Variants in SLCO1A2 observed in about 807,000 individuals in gnomAD.
SLCO1A2 encodes the protein solute carrier organic anion transporter family member 1A2.
A neutral mutation model predicts 69.0 loss-of-function variants in SLCO1A2; 67 were observed. The ratio of observed to expected loss-of-function variants is 0.97; its 90% confidence interval spans 0.80 to 1.19. The LOEUF is 1.19. SLCO1A2 is among the 50% of genes most tolerant of loss of function. The probability of loss-of-function intolerance (pLI) is 0.00; values close to 1 mark genes in which losing one functional copy is unlikely to be tolerated. For missense variants in SLCO1A2, 787 were observed against 793.7 expected, an observed-to-expected ratio of 0.99 and a Z score of 0.10; for synonymous variants, 260 against 265.9, an observed-to-expected ratio of 0.98 and a Z score of 0.22.
At chr12:21,406,151 A>G (rs1941820642) in intron 1 of SLCO1A2, among the ~76,000 whole-genome samples, 1 of 152,198 alleles carries the variant, frequency 6.6e-6, no homozygotes, top group Admixed American at 6.5e-5. Flanking sequence ...GAGTAGATAT[A>G]TTTAAAATGT....
chr12:21,417,778 G>C (rs988277574), intron 1 of SLCO1A2: 2 of 151,978 alleles, frequency 1.3e-5, no homozygotes, highest in African/African-American at 2.4e-5. Flanking sequence ...TTGGGAGAAT[G>C]GTCAAAACAC....
In SLCO1A2 at chr12:21,413,237, C is replaced by CTTTTTTTTTTTTTTTTTTTTTTTT. The variant is rs3983534; in HGVS notation, c.-312+4644_-312+4645insAAAAAAAAAAAAAAAAAAAAAAAA. Among the ~76,000 whole-genome samples, 75 of 99,422 alleles carry CTTTTTTTTTTTTTTTTTTTTTTTT rather than the reference C, an allele frequency of 7.5e-4. 1 individual carries two copies. Among genetic ancestry groups the CTTTTTTTTTTTTTTTTTTTTTTTT allele is most frequent in the East Asian group, 1.3e-3 (4 of 3,122 alleles). The allele number at this position is 99,422 out of a possible 152,430, so 65.2% of individuals were successfully genotyped here. A position where few individuals can be genotyped will look rare whatever the true frequency, so the allele number is the denominator to read the frequency against. On this transcript the variant is annotated intron_variant, in intron 1 of 4. Coordinates refer to the SLCO1A2 transcript ENST00000413682. ...ACTTTCTTCTTTTCTTTTTCTTTTTCTTTTTTTTTTTTTTTTTTTGAGAAG... is the reference window on the plus strand; with the variant it reads ...ACTTTCTTCTTTTCTTTTTCTTTTTCTTTTTTTTTTTTTTTTTTTTTTTTTTTTTTTTTTTTTTTTTTTGAGAAG...
chr12:21,338,735 T>C (rs532697555), upstream of SLCO1A2, among the ~76,000 whole-genome samples: 1 of 152,098 alleles, frequency 6.6e-6, no homozygotes, highest in African/African-American at 2.4e-5. Flanking sequence ...TACAAACATA[T>C]GTATTTCCAT....
rs1307468665 is a variant in SLCO1A2 at position 21,306,888 on chromosome 12, G to A, written c.436C>T (p.Pro146Ser). The A allele has an allele frequency of 4.3e-6, 7 of 1,611,636 alleles. No individual in the cohort carries two copies. In the East Asian group the frequency reaches 1.6e-4, roughly 36 times the overall value. The stretch of plus-strand genomic sequence containing the variant: ...ATACAATGAAGTAGACAACCTGATG[G>A]ATCCTGCGTTGGTCTTAAAATCTGG... ...GTQILRPTQD[P>S]SECTKEVKSL... The change falls in exon 5 of 15, where the codon CCA (proline) becomes TCA (serine). Residue 146 changes from proline to serine, a missense_variant. Transcript: ENST00000683939.
At chr12:21,338,936 G>A (rs1458845534), upstream of SLCO1A2, among the ~76,000 whole-genome samples, 1 of 151,866 alleles carries the variant, frequency 6.6e-6, no homozygotes, top group Non-Finnish European at 1.5e-5. Flanking sequence ...AGTCAAAATA[G>A]CAGACCTTGT....
chr12:21,330,353 A>G (rs1317458535), intron 2 of SLCO1A2, among the ~76,000 whole-genome samples: 2 of 151,866 alleles, frequency 1.3e-5, no homozygotes, highest in African/African-American at 4.8e-5. Context: ...AAATAAATAA[A>G]TAAATAAAAA....
intron 2 of SLCO1A2, among the ~76,000 whole-genome samples, chr12:21,373,996 T>C (rs1429763225): frequency 1.3e-5 from 2 of 152,216 alleles, no homozygotes; most frequent in African/African-American, 4.8e-5. Context: ...GGATTTATTC[T>C]ATATTGCTAG....
intron 2 of SLCO1A2, among the ~76,000 whole-genome samples, chr12:21,331,427 GTC>G (rs1952609283): frequency 6.6e-6 from 1 of 152,080 alleles, no homozygotes; most frequent in Non-Finnish European, 1.5e-5. Context: ...AGCTTCAGAG[GTC>G]TGGCTGCTCA....
Position 21,350,835 on chromosome 12 carries a change from CAAAAAAA to C in SLCO1A2, c.-62-16133_-62-16127del, listed in dbSNP as rs11454466. On this transcript the variant is annotated intron_variant, in intron 2 of 15. Coordinates refer to the SLCO1A2 transcript ENST00000307378. ...CTGGTGACAGAGCAAGACTCTGTCTCAAAAAAAAAAAAAAAAAAAAAAAAAAAAAGTC... is the reference window on the plus strand; with the variant it reads ...CTGGTGACAGAGCAAGACTCTGTCTCAAAAAAAAAAAAAAAAAAAAAAGTC... Among the ~76,000 whole-genome samples the C allele has an allele frequency of 5.8e-3, 235 of 40,686 alleles. 1 individual carries two copies. Among genetic ancestry groups the C allele is most frequent in the African/African-American group, 0.023 (229 of 10,068 alleles). The allele number at this position is 40,686 out of a possible 152,430, so 26.7% of individuals were successfully genotyped here. A position where few individuals can be genotyped will look rare whatever the true frequency, so the allele number is the denominator to read the frequency against.
intron 2 of SLCO1A2, among the ~76,000 whole-genome samples, chr12:21,342,572 C>T (rs537650582): frequency 5.3e-5 from 8 of 151,980 alleles, no homozygotes; most frequent in East Asian, 1.9e-4. Context: ...TAACAGGCCA[C>T]GCTTTTTCTC....
chr12:21,275,366 C>T lies in SLCO1A2; in HGVS notation c.1669G>A (p.Val557Ile). ...AAAAAATAACTATTTTTACCAAATA[C>T]TCTTGTGCAAAATGTATGTAATCCC... ...GVGLHTFCTRVFAGIPAPIYF... is the reference protein window; with the variant it reads ...GVGLHTFCTRIFAGIPAPIYF... Residue 557 changes from valine (V) to isoleucine (I), a missense_variant, in exon 13 of 15, where the codon GTA becomes ATA. Val to Ile is a conservative substitution (Grantham distance 29). Transcript: ENST00000683939. The T allele has an allele frequency of 1.3e-6, 2 of 1,559,078 alleles. No individual in the cohort carries two copies. Among genetic ancestry groups the T allele is most frequent in the Non-Finnish European group, 1.8e-6 (2 of 1,142,398 alleles).
Position 21,269,185 on chromosome 12 carries a change from C to A in SLCO1A2, c.*363G>T, listed in dbSNP as rs754601107. On this transcript the variant is annotated 3_prime_UTR_variant, in exon 15 of 15. Transcript: ENST00000683939. ...TCTGAATAATTCCAATATCAAAGAA[C>A]AAATTTAGTGGAATTAAATAGGTTT... 6.5e-4 allele frequency: 102 copies of A among 157,498 alleles called. No individual in the cohort carries two copies. Among genetic ancestry groups the A allele is most frequent in the Non-Finnish European group, 1.1e-3 (76 of 71,938 alleles). 9.8% of individuals were successfully genotyped at this position (157,498 alleles called of 1,614,324 possible). A position where few individuals can be genotyped will look rare whatever the true frequency, so the allele number is the denominator to read the frequency against.
chr12:21,345,378 A>C (rs1953220334), intron 2 of SLCO1A2, among the ~76,000 whole-genome samples: 1 of 152,066 alleles, frequency 6.6e-6, no homozygotes, highest in Non-Finnish European at 1.5e-5. Context: ...AGAATGGTCC[A>C]GGCTATTCTA....
upstream of SLCO1A2, among the ~76,000 whole-genome samples, chr12:21,396,043 GAGA>G (rs1254557194): frequency 6.6e-6 from 1 of 151,696 alleles, no homozygotes; most frequent in African/African-American, 2.4e-5. Context: ...GACGAGCTGA[GAGA>G]AGAAGGCTTC....
In SLCO1A2 at chr12:21,400,895, G is replaced by T. The variant is rs1041689410; in HGVS notation, c.-312+16987C>A. Among the ~76,000 whole-genome samples, 3 of 105,982 alleles carry T rather than the reference G, an allele frequency of 2.8e-5. No individual in the cohort carries two copies. In the Admixed American group the frequency reaches 3.6e-4, roughly 13 times the overall value. 69.5% of individuals were successfully genotyped at this position (105,982 alleles called of 152,430 possible). On this transcript the variant is annotated intron_variant, in intron 1 of 4. Coordinates refer to the SLCO1A2 transcript ENST00000413682. ...ACTGTTGTGGGGTGGGGGGAGGGGGGAGGGATAGCATCGGGAGATATACCT... is the reference window on the plus strand; with the variant it reads ...ACTGTTGTGGGGTGGGGGGAGGGGGTAGGGATAGCATCGGGAGATATACCT...
Position 21,369,543 on chromosome 12 carries a change from G to A in SLCO1A2, c.-63+4856C>T, listed in dbSNP as rs150360509. ...TCACTATCTATAAATTAGAGCAGAT[G>A]ATAACCACCGTAGAGGTGTGAAGAT... On this transcript the variant is annotated intron_variant, in intron 2 of 15. Coordinates refer to the SLCO1A2 transcript ENST00000307378. Among the ~76,000 whole-genome samples, 1,065 of 152,298 alleles carry A rather than the reference G, an allele frequency of 7.0e-3. 19 individuals are homozygous for A. Among genetic ancestry groups the A allele is most frequent in the African/African-American group, 0.025 (1,020 of 41,550 alleles).
At chr12:21,347,628 G>C (rs935564043) in intron 2 of SLCO1A2, among the ~76,000 whole-genome samples, 42 of 134,970 alleles carry the variant, frequency 3.1e-4, no homozygotes, top group African/African-American at 1.1e-3. Context: ...CTGGGTGAAA[G>C]AGCAATTCCA....
Position 21,304,488 on chromosome 12 carries a change from C to T in SLCO1A2, c.528G>A (p.Leu176=), listed in dbSNP as rs142503707. Residue 176 remains leucine (L), a synonymous_variant, in exon 6 of 15, where the codon CTG becomes CTA. Coordinates refer to ENST00000683939, the MANE Select transcript of SLCO1A2 (RefSeq NM_001386879.1). ...IVRGMGETPI[L]PLGISYIEDF... ...CTTCTATATAGGAAATACCCAAAGG[C>T]AGGATGGGAGTTTCACCCATTCCAC... The T allele has an allele frequency of 1.7e-4, 271 of 1,612,174 alleles. 1 individual carries two copies. The highest frequency in any genetic ancestry group is 4.6e-5 in the Non-Finnish European group (54 of 1,178,452).
intron 14 of SLCO1A2, among the ~76,000 whole-genome samples, chr12:21,270,113 TC>T (rs1192696325): frequency 6.6e-6 from 1 of 151,838 alleles, no homozygotes; most frequent in African/African-American, 2.4e-5. Flanking sequence ...TAAGAATGCT[TC>T]CAAAGAATCA....
Sources: allele counts gnomAD v4.1 joint callset (sites outside exome capture counted in the v4.1 genomes callset), GRCh38; gene constraint gnomAD v4.1.1; transcripts MANE v1.5; gene names NCBI Gene and HGNC (gene_info 2026-07-23, HGNC 2026-07-21).